Variants in FIG4 observed in about 807,000 individuals in gnomAD.
FIG4 encodes FIG4 phosphoinositide 5-phosphatase, also known as polyphosphoinositide phosphatase.
FIG4 carries 112 observed loss-of-function variants against 118.6 expected under a neutral mutation model. The observed-to-expected ratio is 0.94, with a 90% confidence interval of 0.81 to 1.11. FIG4 has a LOEUF of 1.11. Among genes scored for constraint, FIG4 ranks in the 50% least tolerant of loss-of-function variants. The pLI, the probability that FIG4 is intolerant of heterozygous loss-of-function variation, is 0.00. For synonymous variants in FIG4, 369 were observed against 381.2 expected, an observed-to-expected ratio of 0.97 and a Z score of 0.37; for missense variants, 969 against 1,111.7, an observed-to-expected ratio of 0.87 and a Z score of 1.83.
intron 15 of FIG4, among the ~76,000 whole-genome samples, chr6:109,772,730 G>A (rs979467363): frequency 3.3e-5 from 5 of 152,274 alleles, no homozygotes; most frequent in Middle Eastern, 3.4e-3. Flanking sequence ...TAGGATTACA[G>A]GTGTGAGCCA....
At chr6:109,694,204 T>C (rs917226008) in intron 1 of FIG4, among the ~76,000 whole-genome samples, 1 of 152,150 alleles carries the variant, frequency 6.6e-6, no homozygotes, top group African/African-American at 2.4e-5. Flanking sequence ...AGGTTGCAAA[T>C]TTTTTTGTGT....
intron 1 of FIG4, among the ~76,000 whole-genome samples, chr6:109,692,532 T>A (rs905567929): frequency 1.3e-5 from 2 of 152,182 alleles, no homozygotes; most frequent in Non-Finnish European, 2.9e-5. Context: ...TGCTGACAAC[T>A]TTGATTAGAT....
intron 21 of FIG4, among the ~76,000 whole-genome samples, chr6:109,796,340 C>T (rs747277269): frequency 2.6e-5 from 4 of 152,186 alleles, no homozygotes; most frequent in Non-Finnish European, 5.9e-5. Flanking sequence ...GCCCTTTCCA[C>T]GTCACTTGTC....
At chr6:109,694,848 C>T (rs138740885) in intron 1 of FIG4, among the ~76,000 whole-genome samples, 1 of 152,148 alleles carries the variant, frequency 6.6e-6, no homozygotes, top group African/African-American at 2.4e-5. Flanking sequence ...CTCAAGGTCA[C>T]TAATTATCAG....
intron 5 of FIG4, among the ~76,000 whole-genome samples, chr6:109,733,043 A>C (rs546420270): frequency 6.6e-6 from 1 of 152,248 alleles, no homozygotes; most frequent in South Asian, 2.1e-4. Context: ...TTTAGTAAAT[A>C]ATCTGGCAAA....
At chr6:109,714,636 G>T (rs974458061) in intron 1 of FIG4, among the ~76,000 whole-genome samples, 1 of 152,186 alleles carries the variant, frequency 6.6e-6, no homozygotes, top group Non-Finnish European at 1.5e-5. Context: ...AAAGACATTT[G>T]CAGACATTTA....
intron 22 of FIG4, among the ~76,000 whole-genome samples, chr6:109,803,630 T>A (rs1374738537): frequency 2.6e-5 from 4 of 152,150 alleles, no homozygotes; most frequent in Non-Finnish European, 4.4e-5. Context: ...TCTTTTTTTT[T>A]TATTATACTT....
rs541959860 is a variant in FIG4 at position 109,749,723 on chromosome 6, C to T, written c.1137+5951C>T. On this transcript the variant is annotated intron_variant, in intron 10 of 22. Coordinates refer to ENST00000230124, the MANE Select transcript of FIG4 (RefSeq NM_014845.6). The stretch of plus-strand genomic sequence containing the variant: ...TTGAAATAATTCTCTTAATTGTGCA[C>T]ACTCAAAAAATACTATCATACATGT... Among the ~76,000 whole-genome samples, 64 of 152,226 alleles carry T rather than the reference C, an allele frequency of 4.2e-4. No homozygotes were observed. The South Asian group carries it at 0.013, about 32-fold the overall frequency.
At chr6:109,813,970 A>G (rs1399873803) in intron 22 of FIG4, among the ~76,000 whole-genome samples, 1 of 152,200 alleles carries the variant, frequency 6.6e-6, no homozygotes, top group Non-Finnish European at 1.5e-5. Context: ...GGACACCTGG[A>G]ACCAGAACCA....
At chr6:109,787,554 C>G (rs1414831920) in intron 18 of FIG4, among the ~76,000 whole-genome samples, 1 of 152,172 alleles carries the variant, frequency 6.6e-6, no homozygotes, top group Non-Finnish European at 1.5e-5. Context: ...TATAAACCCT[C>G]ACTTCACATC....
chr6:109,713,080 C>T (rs1407931025), intron 1 of FIG4, among the ~76,000 whole-genome samples: 5 of 152,184 alleles, frequency 3.3e-5, no homozygotes, highest in Non-Finnish European at 5.9e-5. Context: ...TGTTCTCTGG[C>T]TCCTCGAGGT....
At chr6:109,808,728 C>T (rs1036568622) in intron 22 of FIG4, among the ~76,000 whole-genome samples, 1 of 152,016 alleles carries the variant, frequency 6.6e-6, no homozygotes, top group Admixed American at 6.6e-5. Context: ...CAAAGTAAGC[C>T]TGTCACTTCA....
intron 10 of FIG4, among the ~76,000 whole-genome samples, chr6:109,750,137 A>G (rs1293926919): frequency 6.6e-6 from 1 of 152,186 alleles, no homozygotes; most frequent in Non-Finnish European, 1.5e-5. Flanking sequence ...TCATGATTTC[A>G]TTTCTCTTTT....
chr6:109,770,073 G>A (rs777448002), intron 15 of FIG4, among the ~76,000 whole-genome samples: 21 of 152,160 alleles, frequency 1.4e-4, no homozygotes, highest in Admixed American at 7.2e-4. Context: ...TCACATGCTA[G>A]CATGCATGTT....
chr6:109,725,621 G>A (rs1006842550), intron 3 of FIG4, among the ~76,000 whole-genome samples: 2 of 152,200 alleles, frequency 1.3e-5, no homozygotes, highest in Non-Finnish European at 2.9e-5. Context: ...TATATACCCA[G>A]TAATGGGATT....
Position 109,707,712 on chromosome 6 carries a change from G to A in FIG4, c.67-7366G>A, listed in dbSNP as rs143101108. Among the ~76,000 whole-genome samples the A allele has an allele frequency of 6.4e-3, 976 of 151,602 alleles. 10 individuals carry two copies. Among genetic ancestry groups the A allele is most frequent in the African/African-American group, 0.021 (880 of 41,354 alleles). ...TTTGGCCTTTAATATCGAAAGACTT[G>A]TTTGTTATTTAGTTGCTTTGTGTAT... On this transcript the variant is annotated intron_variant, in intron 1 of 22. Coordinates refer to ENST00000230124, the MANE Select transcript of FIG4 (RefSeq NM_014845.6).
chr6:109,711,421 C>G (rs1292072560), intron 1 of FIG4, among the ~76,000 whole-genome samples: 1 of 151,952 alleles, frequency 6.6e-6, no homozygotes, highest in African/African-American at 2.4e-5. Context: ...AAACAAAAAA[C>G]TTGCTTTATT....
intron 10 of FIG4, 124 bp downstream of exon 10, chr6:109,743,896 T>C (rs776494509): frequency 2.7e-5 from 21 of 769,132 alleles, no homozygotes; most frequent in Non-Finnish European, 4.1e-5. Flanking sequence ...CAGATTATTA[T>C]GCTGGGACAG....
intron 22 of FIG4, among the ~76,000 whole-genome samples, chr6:109,805,235 CT>C (rs2128399724): frequency 6.6e-6 from 1 of 152,270 alleles, no homozygotes; most frequent in Non-Finnish European, 1.5e-5. Context: ...AGATTCCCTA[CT>C]GCTACCAAAT....
Sources: allele counts gnomAD v4.1 joint callset (sites outside exome capture counted in the v4.1 genomes callset), GRCh38; gene constraint gnomAD v4.1.1; transcripts MANE v1.5; gene names NCBI Gene and HGNC (gene_info 2026-07-23, HGNC 2026-07-21).